The following SGCZ variants were observed in gnomAD, a reference collection of about 807,000 sequenced individuals.
SGCZ encodes the protein zeta-sarcoglycan.
Under a neutral mutation model 41.3 loss-of-function variants are expected in SGCZ, and 40 were observed. The ratio of observed to expected loss-of-function variants is 0.97; its 90% CI spans 0.75 to 1.26. The LOEUF (loss-of-function observed/expected upper bound fraction) is 1.26, where lower values mean the gene tolerates loss of function less well. Ranked by LOEUF, SGCZ falls within the 50% of genes most tolerant of loss-of-function variation. The pLI is 0.00. For missense variants in SGCZ, 552 were observed against 369.8 expected (o/e 1.49, Z -4.04); for synonymous variants, 206 against 137.5 (o/e 1.50, Z -3.49).
chr8:14,835,916 CTATAAATTAA>C lies in SGCZ; in HGVS notation c.40-281000_40-280991del, dbSNP rs1802686206. Among the ~76,000 whole-genome samples, 3 of 152,162 alleles carry C rather than the reference CTATAAATTAA, an allele frequency of 2.0e-5. No individual in the cohort carries two copies. In the South Asian group the frequency reaches 6.2e-4, roughly 32 times the overall value. On this transcript the variant is annotated intron_variant, in intron 1 of 7. Coordinates refer to ENST00000382080, the MANE Select transcript of SGCZ (RefSeq NM_139167.4). ...GGAATAAAAGCTGCTGAGTAATCAT[CTATAAATTAA>C]TAGCTGAAATTAAATTTCCAATAAG...
intron 3 of SGCZ, among the ~76,000 whole-genome samples, chr8:14,318,581 A>G (rs1801802513): frequency 6.6e-6 from 1 of 151,956 alleles, no homozygotes; most frequent in Non-Finnish European, 1.5e-5. Context: ...AAAGCTCATA[A>G]GTATTGAGCA....
chr8:15,050,494 G>C (rs1015404627), intron 1 of SGCZ, among the ~76,000 whole-genome samples: 5 of 152,178 alleles, frequency 3.3e-5, no homozygotes, highest in African/African-American at 7.2e-5. Context: ...CTTAGAGAAA[G>C]AAAAGTAAGC....
intron 1 of SGCZ, among the ~76,000 whole-genome samples, chr8:15,135,015 G>A (rs576286287): frequency 5.0e-4 from 76 of 152,230 alleles, no homozygotes; most frequent in African/African-American, 1.7e-3. Flanking sequence ...CTCTTCAGTT[G>A]CTACATTTGA....
At chr8:14,587,867 A>C (rs549464048) in intron 1 of SGCZ, among the ~76,000 whole-genome samples, 1 of 152,254 alleles carries the variant, frequency 6.6e-6, no homozygotes, top group East Asian at 1.9e-4. Flanking sequence ...TACCAAATGC[A>C]TTGTATTATA....
At chr8:14,585,291 T>C (rs528448191) in intron 1 of SGCZ, among the ~76,000 whole-genome samples, 3 of 152,208 alleles carry the variant, frequency 2.0e-5, no homozygotes, top group Non-Finnish European at 4.4e-5. Context: ...ATATTTGTAC[T>C]ATTCATCTTG....
chr8:14,455,372 G>C (rs748348902), intron 2 of SGCZ, among the ~76,000 whole-genome samples: 1 of 151,908 alleles, frequency 6.6e-6, no homozygotes, highest in Non-Finnish European at 1.5e-5. Flanking sequence ...CCTAGTTGGT[G>C]AGTCTGGATA....
intron 1 of SGCZ, among the ~76,000 whole-genome samples, chr8:15,137,964 CCA>C (rs1295346273): frequency 6.6e-6 from 1 of 152,106 alleles, no homozygotes; most frequent in Non-Finnish European, 1.5e-5. Flanking sequence ...CCTGGAAATG[CCA>C]CAGACGCTCA....
intron 2 of SGCZ, among the ~76,000 whole-genome samples, chr8:14,389,230 A>C (rs182089940): frequency 6.6e-6 from 1 of 152,094 alleles, no homozygotes; most frequent in East Asian, 1.9e-4. Context: ...ATAAATGAAA[A>C]GGCAAAACGA....
At chr8:14,724,213 A>G (rs766102340) in intron 1 of SGCZ, among the ~76,000 whole-genome samples, 4 of 152,130 alleles carry the variant, frequency 2.6e-5, no homozygotes, top group Non-Finnish European at 4.4e-5. Flanking sequence ...CTGCTGTACT[A>G]TTTAGAGGCA....
In SGCZ at chr8:14,645,842, G is replaced by C. The variant is rs138787394; in HGVS notation, c.40-90916C>G. On this transcript the variant is annotated intron_variant, in intron 1 of 7. Coordinates refer to ENST00000382080, the MANE Select transcript of SGCZ (RefSeq NM_139167.4). ...ATTCACAGCAAATTTTATTTTCTTT[G>C]CATTATGAAAGCATTGTTTTACTCA... Among the ~76,000 whole-genome samples, 704 of 151,696 alleles carry C rather than the reference G, an allele frequency of 4.6e-3. 3 individuals carry two copies. The highest frequency in any genetic ancestry group is 0.016 in the African/African-American group (674 of 41,434).
intron 2 of SGCZ, among the ~76,000 whole-genome samples, chr8:14,454,564 A>G (rs1438144604): frequency 6.6e-6 from 1 of 152,190 alleles, no homozygotes; most frequent in Non-Finnish European, 1.5e-5. Context: ...TAAAGTTCAT[A>G]CGTAAAAACA....
intron 2 of SGCZ, among the ~76,000 whole-genome samples, chr8:14,401,490 ACG>A (rs1799074692): frequency 7.7e-6 from 1 of 130,214 alleles, no homozygotes; most frequent in Admixed American, 9.0e-5. Context: ...TCCTGTGTCC[ACG>A]TGATCTCATT....
intron 2 of SGCZ, among the ~76,000 whole-genome samples, chr8:14,430,204 T>C (rs765332086): frequency 3.3e-5 from 5 of 152,070 alleles, no homozygotes; most frequent in Non-Finnish European, 7.4e-5. Context: ...ATGAAGCCAG[T>C]ATCACCCTAA....
intron 1 of SGCZ, among the ~76,000 whole-genome samples, chr8:14,712,155 C>T (rs1179103736): frequency 6.6e-6 from 1 of 152,154 alleles, no homozygotes; most frequent in Non-Finnish European, 1.5e-5. Context: ...CAACTAACCC[C>T]TAACTAGAAA....
chr8:14,864,171 T>C (rs1053404939), intron 1 of SGCZ, among the ~76,000 whole-genome samples: 2 of 152,172 alleles, frequency 1.3e-5, no homozygotes, highest in Admixed American at 6.6e-5. Flanking sequence ...ATAGTCACCA[T>C]GTATTCTACG....
At chr8:15,151,297 G>A (rs2117018418) in intron 1 of SGCZ, among the ~76,000 whole-genome samples, 1 of 152,296 alleles carries the variant, frequency 6.6e-6, no homozygotes, top group African/African-American at 2.4e-5. Flanking sequence ...TCCCCACTAA[G>A]CTACTTCTGG....
At chr8:14,696,730 G>C (rs1006788112) in intron 1 of SGCZ, among the ~76,000 whole-genome samples, 1 of 151,780 alleles carries the variant, frequency 6.6e-6, no homozygotes, top group Admixed American at 6.6e-5. Flanking sequence ...CCTATTGTAT[G>C]CTGCCTTTAA....
chr8:14,994,030 T>C (rs949000756), intron 1 of SGCZ, among the ~76,000 whole-genome samples: 8 of 152,200 alleles, frequency 5.3e-5, no homozygotes, highest in Non-Finnish European at 1.2e-4. Context: ...GGGGGCTGGA[T>C]GCGAGTCATG....
chr8:14,830,006 T>A (rs930410262), intron 1 of SGCZ, among the ~76,000 whole-genome samples: 6 of 151,966 alleles, frequency 3.9e-5, no homozygotes, highest in South Asian at 4.2e-4. Flanking sequence ...AGAGACGGGG[T>A]TTTCACCGTG....
Sources: allele counts gnomAD v4.1 joint callset (sites outside exome capture counted in the v4.1 genomes callset), GRCh38; gene constraint gnomAD v4.1.1; transcripts MANE v1.5; gene names NCBI Gene and HGNC (gene_info 2026-07-23, HGNC 2026-07-21).